Variants in PAK2 observed in about 807,000 individuals in gnomAD.
PAK2 encodes the protein serine/threonine-protein kinase PAK 2.
In PAK2, 21 loss-of-function variants were observed where a neutral mutation model predicts 65.9. That is an observed-to-expected ratio of 0.32 (90% CI 0.23 to 0.46). The LOEUF (loss-of-function observed/expected upper bound fraction) is 0.46, where lower values mean the gene tolerates loss of function less well. Ranked by LOEUF, PAK2 falls within the 20% of genes least tolerant of loss-of-function variation. The probability of loss-of-function intolerance (pLI) is 1.00; values close to 1 mark genes in which losing one functional copy is unlikely to be tolerated. For synonymous variants in PAK2, 204 were observed against 219.7 expected (o/e 0.93, Z 0.63); for missense variants, 324 against 642.6 (o/e 0.50, Z 5.36).
intron 2 of PAK2, chr3:196,785,235 G>A (rs950302444): frequency 6.6e-6 from 1 of 152,120 alleles, no homozygotes; most frequent in Non-Finnish European, 1.5e-5. Flanking sequence ...CAGTGAAAAC[G>A]TTGTCTTATG....
chr3:196,811,072 C>A (rs1715768390), intron 8 of PAK2, among the ~76,000 whole-genome samples: 1 of 151,862 alleles, frequency 6.6e-6, no homozygotes, highest in African/African-American at 2.4e-5. Context: ...TAACTAAACT[C>A]CTTTTTTCTG....
chr3:196,776,899 T>C (rs1368528728), intron 1 of PAK2, among the ~76,000 whole-genome samples: 1 of 152,180 alleles, frequency 6.6e-6, no homozygotes, highest in Non-Finnish European at 1.5e-5. Context: ...AAATCCACAA[T>C]TATGTGAAAG....
intron 2 of PAK2, among the ~76,000 whole-genome samples, chr3:196,792,523 T>C (rs1715105857): frequency 6.6e-6 from 1 of 152,192 alleles, no homozygotes; most frequent in Non-Finnish European, 1.5e-5. Context: ...TCTTTTAAGT[T>C]ACATGCCTAG....
In PAK2 at chr3:196,820,169, T is replaced by A. The variant is rs1441063882; in HGVS notation, c.1154-202T>A. Among the ~76,000 whole-genome samples, 1 of 152,216 alleles carries A rather than the reference T, an allele frequency of 6.6e-6. No individual in the cohort carries two copies. The highest frequency in any genetic ancestry group is 1.5e-5 in the Non-Finnish European group (1 of 68,044). ...TAAAAGGCCTCCTGATAATTTGGAC[T>A]CTGTGGCAAGTAAAAGTAAAATGTG... On this transcript the variant is annotated intron_variant, in intron 12 of 14. Coordinates refer to ENST00000327134, the MANE Select transcript of PAK2 (RefSeq NM_002577.4). This position sits in a 1 kb window ranked among gnomAD's most constrained non-coding sequence, Gnocchi z 4.6.
At chr3:196,763,575 G>A (rs1419144834) in intron 1 of PAK2, among the ~76,000 whole-genome samples, 1 of 152,044 alleles carries the variant, frequency 6.6e-6, no homozygotes, top group Non-Finnish European at 1.5e-5. Context: ...TAACTGCTGC[G>A]GGAGCTCAGA....
At chr3:196,770,605 A>G (rs1357930975) in intron 1 of PAK2, among the ~76,000 whole-genome samples, 1 of 151,848 alleles carries the variant, frequency 6.6e-6, no homozygotes, top group African/African-American at 2.4e-5. Context: ...TTTTTTATAT[A>G]TAGTATTTTA....
At chr3:196,780,109 G>A (rs765285100) in intron 1 of PAK2, among the ~76,000 whole-genome samples, 3 of 152,232 alleles carry the variant, frequency 2.0e-5, no homozygotes, top group Non-Finnish European at 4.4e-5. Flanking sequence ...CCCGCATGAT[G>A]TCATGAGCTG....
At chr3:196,745,445 T>C (rs1007357004) in intron 1 of PAK2, among the ~76,000 whole-genome samples, 1 of 152,034 alleles carries the variant, frequency 6.6e-6, no homozygotes, top group Admixed American at 6.5e-5. Context: ...AATCTTAATC[T>C]TTCTGGAATT....
intron 1 of PAK2, among the ~76,000 whole-genome samples, chr3:196,769,471 C>T (rs553393355): frequency 8.4e-4 from 127 of 151,886 alleles, no homozygotes; most frequent in Non-Finnish European, 1.5e-3. Flanking sequence ...GTTGTACAAC[C>T]ATCACCACCA....
In PAK2 at chr3:196,774,830, C is replaced by CA. The variant is rs1236429798; in HGVS notation, c.-21-7789dup. Among the ~76,000 whole-genome samples, 13 of 152,230 alleles carry CA rather than the reference C, an allele frequency of 8.5e-5. No individual in the cohort carries two copies. In the East Asian group the frequency reaches 2.5e-3, roughly 29 times the overall value. ...ACCAATTCTGACTTCTTTCTCCCAA[C>CA]AAAAAAACTGAACACAGAGAAACCC... On this transcript the variant is annotated intron_variant, in intron 1 of 14. Transcript: ENST00000327134.
chr3:196,785,053 C>G (rs541404948), intron 2 of PAK2: 1 of 152,178 alleles, frequency 6.6e-6, no homozygotes, highest in South Asian at 2.1e-4. Context: ...CTGTATCGTT[C>G]GTATTTTAGT....
intron 11 of PAK2, among the ~76,000 whole-genome samples, chr3:196,815,059 A>G (rs951984644): frequency 2.0e-5 from 3 of 152,064 alleles, no homozygotes; most frequent in African/African-American, 7.2e-5. Flanking sequence ...AGGTACCTGT[A>G]GTCCCAGCTA....
At chr3:196,763,914 TCAGCCTC>T (rs1353060581) in intron 1 of PAK2, among the ~76,000 whole-genome samples, 1 of 151,662 alleles carries the variant, frequency 6.6e-6, no homozygotes, top group African/African-American at 2.4e-5. Flanking sequence ...TTCTCCTGCC[TCAGCCTC>T]CAGAGTAGCT....
chr3:196,806,712 T>C, intron 6 of PAK2, 26 bp downstream of exon 6: 1 of 1,290,746 alleles, frequency 7.7e-7, no homozygotes, highest in Non-Finnish European at 1.1e-6. Context: ...TGATCTAGGC[T>C]GTGTGTGTGC....
At chr3:196,818,294 T>A in intron 12 of PAK2, 138 bp downstream of exon 12, 1 of 533,370 alleles carries the variant, frequency 1.9e-6, no homozygotes, top group Non-Finnish European at 3.4e-6. Flanking sequence ...AACTGAGTGA[T>A]CCTCTGAGGG....
chr3:196,740,395 G>C (rs1318684), intron 1 of PAK2, among the ~76,000 whole-genome samples: 105,832 of 152,074 alleles, frequency 0.7, 36,972 homozygotes, highest in African/African-American at 0.71. Context: ...GCTGGGCTGC[G>C]GAGGTCTGAC....
At chr3:196,747,802 T>G (rs1713440116) in intron 1 of PAK2, among the ~76,000 whole-genome samples, 1 of 152,210 alleles carries the variant, frequency 6.6e-6, no homozygotes, top group Admixed American at 6.5e-5. Flanking sequence ...TAATTCTTAT[T>G]AATGTAAAAA....
intron 2 of PAK2, among the ~76,000 whole-genome samples, chr3:196,800,083 C>T (rs118057774): frequency 0.015 from 2,261 of 152,212 alleles, 98 homozygotes; most frequent in Admixed American, 0.093. Flanking sequence ...GTTAAGAAAT[C>T]AAGAAATAAA....
chr3:196,826,452 G>A (rs989479932), intron 13 of PAK2, among the ~76,000 whole-genome samples: 3 of 150,726 alleles, frequency 2.0e-5, no homozygotes, highest in South Asian at 2.1e-4. Flanking sequence ...GATTACAGGC[G>A]TGAGCCACCA....
Sources: allele counts gnomAD v4.1 joint callset (sites outside exome capture counted in the v4.1 genomes callset), GRCh38; gene constraint gnomAD v4.1.1; non-coding constraint Gnocchi (gnomAD v3.1); transcripts MANE v1.5; gene names NCBI Gene and HGNC (gene_info 2026-07-23, HGNC 2026-07-21).